Variants in HLCS observed in about 807,000 individuals in gnomAD.
The protein encoded by HLCS is biotin--protein ligase.
A neutral mutation model predicts 75.0 loss-of-function variants in HLCS; 53 were observed. That is an observed-to-expected ratio of 0.71 (90% confidence interval 0.57 to 0.89). The LOEUF is 0.89. Ranked by LOEUF, HLCS falls within the 40% of genes least tolerant of loss-of-function variation. The probability of loss-of-function intolerance (pLI) is 0.00; values close to 1 mark genes in which losing one functional copy is unlikely to be tolerated. For missense variants in HLCS, 966 were observed against 1,074.0 expected (o/e 0.90, Z 1.41); for synonymous variants, 431 against 428.6 (o/e 1.01, Z -0.07).
chr21:36,804,252 C>A (rs2061299203), intron 6 of HLCS: 1 of 152,372 alleles, frequency 6.6e-6, no homozygotes, highest in African/African-American at 2.4e-5. Context: ...ACGGTAACTG[C>A]CACTCATCTG....
intron 10 of HLCS, among the ~76,000 whole-genome samples, chr21:36,756,167 G>C (rs1006774316): frequency 3.3e-5 from 5 of 152,118 alleles, no homozygotes; most frequent in Non-Finnish European, 5.9e-5. Context: ...GGCCGGGCGC[G>C]GTGGCTCACA....
At chr21:36,807,210 C>T (rs2061386607) in intron 6 of HLCS, among the ~76,000 whole-genome samples, 1 of 152,120 alleles carries the variant, frequency 6.6e-6, no homozygotes, top group Admixed American at 6.5e-5. Context: ...AGCATGAAAA[C>T]CTGAGGACAG....
chr21:36,827,817 C>CTT lies in HLCS; in HGVS notation c.1893-60534_1893-60533dup, dbSNP rs60457236. 2.0e-3 allele frequency among the ~76,000 whole-genome samples: 272 copies of CTT among 138,810 alleles called. 2 individuals carry two copies. The highest frequency in any genetic ancestry group is 6.0e-3 in the African/African-American group (222 of 37,264). The allele number at this position is 138,810 out of a possible 152,430, so 91.1% of individuals were successfully genotyped here. Reference sequence around the variant, plus strand: ...TAAGTATTTTTCTTTTTCTTTCTTTCTTTTTTTTTTTTTTGAGACAGAGTC... The same window carrying CTT: ...TAAGTATTTTTCTTTTTCTTTCTTTCTTTTTTTTTTTTTTTTGAGACAGAGTC... On this transcript the variant is annotated intron_variant, in intron 6 of 10. Coordinates refer to ENST00000674895, the MANE Select transcript of HLCS (RefSeq NM_001352514.2).
At chr21:36,755,088 T>C (rs2089509079) in intron 10 of HLCS, among the ~76,000 whole-genome samples, 1 of 152,078 alleles carries the variant, frequency 6.6e-6, no homozygotes, top group Non-Finnish European at 1.5e-5. Flanking sequence ...ACATTTTTTT[T>C]TCCTGCAACA....
chr21:36,955,948 T>C (rs1048960485), intron 2 of HLCS, among the ~76,000 whole-genome samples: 1 of 152,198 alleles, frequency 6.6e-6, no homozygotes, highest in African/African-American at 2.4e-5. Context: ...AGTAACATGC[T>C]GTACAGGTTT....
chr21:36,795,585 T>C (rs2061002026), intron 6 of HLCS, among the ~76,000 whole-genome samples: 1 of 152,262 alleles, frequency 6.6e-6, no homozygotes, highest in Admixed American at 6.5e-5. Flanking sequence ...TTTGGGGCCA[T>C]GACTCCTTTA....
intron 1 of HLCS, among the ~76,000 whole-genome samples, chr21:36,984,878 T>C (rs1225977516): frequency 1.3e-5 from 2 of 152,008 alleles, no homozygotes; most frequent in African/African-American, 4.8e-5. Context: ...TTCTTGTTTT[T>C]TTTTTTTCAT....
intron 6 of HLCS, among the ~76,000 whole-genome samples, chr21:36,858,299 C>T (rs1014261532): frequency 5.3e-5 from 8 of 152,124 alleles, no homozygotes; most frequent in Non-Finnish European, 1.0e-4. Context: ...TGATACATCT[C>T]TAAAAGACAG....
At chr21:36,966,190 G>T (rs569017266) in intron 1 of HLCS, among the ~76,000 whole-genome samples, 2 of 152,204 alleles carry the variant, frequency 1.3e-5, no homozygotes, top group Non-Finnish European at 2.9e-5. Flanking sequence ...GTCCTCACAG[G>T]TGCGCGCCTA....
At chr21:36,902,564 G>A (rs959825625) in intron 5 of HLCS, among the ~76,000 whole-genome samples, 3 of 152,352 alleles carry the variant, frequency 2.0e-5, no homozygotes, top group Admixed American at 6.5e-5. Context: ...GCAGGGAGGT[G>A]GGAATCCTGG....
rs1293335533 is a variant in HLCS at position 36,906,091 on chromosome 21, T to C, written c.1621-8960A>G. On this transcript the variant is annotated intron_variant, in intron 5 of 10. Coordinates refer to ENST00000674895, the MANE Select transcript of HLCS (RefSeq NM_001352514.2). ...AAAACAAAAATTGGGTGCATTTCCA[T>C]ATACTAACAATAAATATTTGGAGCC... 2.7e-5 allele frequency among the ~76,000 whole-genome samples: 4 copies of C among 149,044 alleles called. No individual in the cohort carries two copies. In the East Asian group the frequency reaches 7.9e-4, roughly 29 times the overall value.
intron 5 of HLCS, among the ~76,000 whole-genome samples, chr21:36,914,378 T>G (rs2065842093): frequency 2.0e-5 from 3 of 152,326 alleles, no homozygotes; most frequent in African/African-American, 7.2e-5. Flanking sequence ...CCCAGGAATA[T>G]GAGTTCCTCC....
chr21:36,989,050 T>A (rs61094125), intron 1 of HLCS, among the ~76,000 whole-genome samples: 9,243 of 150,064 alleles, frequency 0.062, 338 homozygotes, highest in South Asian at 0.082. Context: ...TTATTTATTT[T>A]TTTTGAGACA....
Position 36,936,532 on chromosome 21 carries a change from C to G in HLCS, c.1354G>C (p.Gly452Arg). 1.2e-6 allele frequency: 2 copies of G among 1,614,168 alleles called. No homozygotes were observed. Among genetic ancestry groups the G allele is most frequent in the African/African-American group, 2.7e-5 (2 of 75,042 alleles). ...TCCTTGTCCTCATTCTCCAGGTGGC[C>G]CTGGAGCCTGCCGGGGCTGAGCCGG... ...PVRLSPGRLQ[G>R]HLENEDKDRM... The change falls in exon 4 of 11, where the codon GGC becomes CGC. Residue 452 changes from glycine (G) to arginine (R), a missense_variant. Physicochemically the swap from Gly to Arg is moderately radical, Grantham distance 125 (BLOSUM62 -2). Coordinates refer to ENST00000674895, the MANE Select transcript of HLCS (RefSeq NM_001352514.2).
intron 5 of HLCS, among the ~76,000 whole-genome samples, chr21:36,900,807 G>A (rs1415047822): frequency 6.6e-6 from 1 of 152,160 alleles, no homozygotes; most frequent in Non-Finnish European, 1.5e-5. Context: ...TCATATCTGA[G>A]ATGTTAGAGA....
rs1378132975 is a variant in HLCS at position 36,858,256 on chromosome 21, T to TGG, written c.1892+38603_1892+38604insCC. 2.0e-5 allele frequency among the ~76,000 whole-genome samples: 3 copies of TGG among 152,228 alleles called. No homozygotes were observed. In the East Asian group the frequency reaches 5.8e-4, roughly 29 times the overall value. Reference sequence around the variant, plus strand: ...CCTCTCCTCCTCATTCATATTTTAATATTTAATTCACTCATTTATCTGGAG... The same window carrying TGG: ...CCTCTCCTCCTCATTCATATTTTAATGGATTTAATTCACTCATTTATCTGGAG... On this transcript the variant is annotated intron_variant, in intron 6 of 10. Coordinates refer to ENST00000674895, the MANE Select transcript of HLCS (RefSeq NM_001352514.2).
intron 6 of HLCS, among the ~76,000 whole-genome samples, chr21:36,862,836 G>GA (rs2063425582): frequency 6.6e-6 from 1 of 152,116 alleles, no homozygotes; most frequent in Non-Finnish European, 1.5e-5. Flanking sequence ...CAAAAGGAAG[G>GA]AATTCAGCAA....
At chr21:36,989,098 G>A (rs1328054136) in intron 1 of HLCS, among the ~76,000 whole-genome samples, 1 of 150,546 alleles carries the variant, frequency 6.6e-6, no homozygotes, top group Non-Finnish European at 1.5e-5. Context: ...GTGCAGAGCC[G>A]CCATCTCTGC....
intron 6 of HLCS, among the ~76,000 whole-genome samples, chr21:36,771,071 T>A (rs1164204403): frequency 6.6e-6 from 1 of 151,732 alleles, no homozygotes; most frequent in Non-Finnish European, 1.5e-5. Context: ...TACAAAAAAA[T>A]TAGCTGGGCA....
Sources: gnomAD v4.1 joint callset for allele counts (sites outside exome capture counted in the v4.1 genomes callset) on GRCh38, gnomAD v4.1.1 for gene constraint, MANE v1.5 for transcripts, NCBI Gene and HGNC (gene_info 2026-07-23, HGNC 2026-07-21) for gene names.